The following ZHX2 variants were observed in gnomAD, a reference collection of about 807,000 sequenced individuals.
The protein encoded by ZHX2 is zinc fingers and homeoboxes 2.
ZHX2 carries 6 observed loss-of-function variants against 21.9 expected under a neutral mutation model. The observed-to-expected ratio is 0.27, with a 90% CI of 0.15 to 0.54. The LOEUF (loss-of-function observed/expected upper bound fraction) is 0.54. ZHX2 is among the 20% of genes least tolerant of loss of function. The pLI is 0.95. For missense variants in ZHX2, 908 were observed against 1,090.7 expected, an observed-to-expected ratio of 0.83 and a Z score of 2.36; for synonymous variants, 434 against 437.1, an observed-to-expected ratio of 0.99 and a Z score of 0.09.
intron 2 of ZHX2, among the ~76,000 whole-genome samples, chr8:122,916,791 C>T (rs1820614467): frequency 6.6e-6 from 1 of 152,110 alleles, no homozygotes; most frequent in Admixed American, 6.5e-5. Flanking sequence ...GTGTCTGCTC[C>T]TAACATCCAC....
At chr8:122,937,199 G>T (rs1311920144) in intron 2 of ZHX2, among the ~76,000 whole-genome samples, 1 of 152,238 alleles carries the variant, frequency 6.6e-6, no homozygotes, top group Non-Finnish European at 1.5e-5. Context: ...ACCTGGGGCA[G>T]AGCAATGAAG....
In ZHX2 at chr8:122,953,299, T is replaced by A. The variant is rs1813185575; in HGVS notation, c.1789T>A (p.Ser597Thr). The change falls in exon 3 of 4, where the codon TCT (serine) becomes ACT (threonine). Residue 597 changes from serine to threonine, a missense_variant. This residue lies in a region of ZHX2 where 431 missense variants were observed against 428.6 expected (regional missense o/e 1.01). Coordinates refer to ENST00000314393, the MANE Select transcript of ZHX2 (RefSeq NM_014943.5). This position sits in a 1 kb window ranked among gnomAD's most constrained non-coding sequence, Gnocchi z 4.6. ...MEQAVLDSMG[S>T]GKKGQDVGAP... ...ACAAGCTGTCTTGGATTCCATGGGG[T>A]CTGGCAAAAAAGGCCAAGATGTGGG... 6.2e-7 allele frequency: 1 copy of A among 1,613,602 alleles called. No individual in the cohort carries two copies. Among genetic ancestry groups the A allele is most frequent in the African/African-American group, 1.3e-5 (1 of 74,780 alleles).
chr8:122,878,196 G>A (rs1403657345), intron 2 of ZHX2, among the ~76,000 whole-genome samples: 1 of 152,158 alleles, frequency 6.6e-6, no homozygotes, highest in African/African-American at 2.4e-5. Flanking sequence ...GCCATGGTAT[G>A]TTACATTTAA....
Position 122,808,055 on chromosome 8 carries a change from G to A in ZHX2, c.-283+26109G>A, listed in dbSNP as rs185050225. Among the ~76,000 whole-genome samples the A allele has an allele frequency of 4.3e-3, 652 of 152,244 alleles. 14 individuals are homozygous for A. The highest frequency in any genetic ancestry group is 0.038 in the Admixed American group (575 of 15,294). On this transcript the variant is annotated intron_variant, in intron 1 of 3. Coordinates refer to ENST00000314393, the MANE Select transcript of ZHX2 (RefSeq NM_014943.5). ...CCTGCTTCTAACTCTGAACCATCCC[G>A]TCACCTTGGGCAGGTCACTTACCTT...
intron 1 of ZHX2, among the ~76,000 whole-genome samples, chr8:122,786,008 C>G (rs1817388205): frequency 6.6e-6 from 1 of 152,148 alleles, no homozygotes; most frequent in Non-Finnish European, 1.5e-5. Flanking sequence ...AAGTTTCAGG[C>G]CAGGGAACAG....
At chr8:122,872,073 G>A (rs1819454831) in intron 2 of ZHX2, among the ~76,000 whole-genome samples, 1 of 152,154 alleles carries the variant, frequency 6.6e-6, no homozygotes, top group South Asian at 2.1e-4. Flanking sequence ...ATCAGCATAG[G>A]CAGGTATCAC....
chr8:122,906,340 A>G (rs760888261), intron 2 of ZHX2, among the ~76,000 whole-genome samples: 3 of 152,244 alleles, frequency 2.0e-5, no homozygotes, highest in Non-Finnish European at 4.4e-5. Flanking sequence ...AATCTATGAG[A>G]AATCGGAGAT....
chr8:122,856,633 C>T (rs1047238989), intron 1 of ZHX2, among the ~76,000 whole-genome samples: 16 of 152,084 alleles, frequency 1.1e-4, no homozygotes, highest in East Asian at 3.8e-4. Flanking sequence ...TGCCAGCAGC[C>T]GTGTTGGAGC....
chr8:122,968,459 C>A (rs1315160212), intron 3 of ZHX2, among the ~76,000 whole-genome samples: 7 of 152,162 alleles, frequency 4.6e-5, no homozygotes, highest in Non-Finnish European at 7.3e-5. Flanking sequence ...TCCTCCAGTC[C>A]AACACATTTC....
chr8:122,935,354 T>C (rs1276998390), intron 2 of ZHX2, among the ~76,000 whole-genome samples: 2 of 152,228 alleles, frequency 1.3e-5, no homozygotes, highest in East Asian at 3.9e-4. Context: ...TATGAATTTT[T>C]AATAATAACT....
intron 1 of ZHX2, among the ~76,000 whole-genome samples, chr8:122,813,490 G>A (rs117152515): frequency 0.036 from 5,523 of 152,158 alleles, 101 homozygotes; most frequent in East Asian, 0.052. Flanking sequence ...GAAAGAAGTC[G>A]CCAAGTAGAT....
At chr8:122,883,622 GA>G (rs200318396) in intron 2 of ZHX2, among the ~76,000 whole-genome samples, 2 of 144,114 alleles carry the variant, frequency 1.4e-5, no homozygotes, top group Non-Finnish European at 3.1e-5. Context: ...CTCAACACTG[GA>G]AAAAAAAAGA....
rs60890533 is a variant in ZHX2, at chr8:122,945,436, C to CAAAAAAAA, written c.-219-5836_-219-5829dup. Among the ~76,000 whole-genome samples, 270 of 73,660 alleles carry CAAAAAAAA rather than the reference C, an allele frequency of 3.7e-3. 51 individuals carry two copies. The highest frequency in any genetic ancestry group is 0.015 in the African/African-American group (247 of 15,982). The allele number at this position is 73,660 out of a possible 152,430, so 48.3% of individuals were successfully genotyped here. A position where few individuals can be genotyped will look rare whatever the true frequency, so the allele number is the denominator to read the frequency against. ...CTCTTTTATATAAACCCTGTCTCTG[C>CAAAAAAAA]AAAAAAAAAAAAAAAAAAAAAAAAA... On this transcript the variant is annotated intron_variant, in intron 2 of 3. Transcript: ENST00000314393.
rs1372675157 is a variant in ZHX2, at chr8:122,953,586, G to A, written c.2076G>A (p.Glu692=). 1.9e-6 allele frequency: 3 copies of A among 1,614,230 alleles called. No homozygotes were observed. Among genetic ancestry groups the A allele is most frequent in the African/African-American group, 2.7e-5 (2 of 75,068 alleles). The change falls in exon 3 of 4, where the codon GAG becomes GAA. Residue 692 remains glutamate (E), a synonymous_variant. Transcript: ENST00000314393. This position sits in a 1 kb window ranked among gnomAD's most constrained non-coding sequence, Gnocchi z 4.6. ...AAACGGGAACCGTGAAGTGGATGGAGCAGTACCAGCACCAGCCCATGGCAG... is the reference window on the plus strand; with the variant it reads ...AAACGGGAACCGTGAAGTGGATGGAACAGTACCAGCACCAGCCCATGGCAG... ...LLKTGTVKWM[E]QYQHQPMADD...
chr8:122,880,237 G>T (rs1349039004), intron 2 of ZHX2, among the ~76,000 whole-genome samples: 1 of 151,884 alleles, frequency 6.6e-6, no homozygotes, highest in Non-Finnish European at 1.5e-5. Context: ...GCCTCCCAAA[G>T]TGCTGGGATT....
chr8:122,941,492 C>A, intron 2 of ZHX2, among the ~76,000 whole-genome samples: 1 of 152,172 alleles, frequency 6.6e-6, no homozygotes, highest in East Asian at 1.9e-4. Context: ...TGTTATCAAG[C>A]AGCCAGCATT....
chr8:122,914,960 T>C (rs1820562573), intron 2 of ZHX2, among the ~76,000 whole-genome samples: 1 of 152,242 alleles, frequency 6.6e-6, no homozygotes, highest in Admixed American at 6.5e-5. Context: ...CAGTCTAGGC[T>C]GCATCTGTTA....
intron 3 of ZHX2, among the ~76,000 whole-genome samples, chr8:122,964,117 A>C (rs1813522635): frequency 6.6e-6 from 1 of 151,688 alleles, no homozygotes; most frequent in Non-Finnish European, 1.5e-5. Context: ...TGACTTCCTT[A>C]ACTTGTATGC....
chr8:122,901,087 G>A (rs551974837), intron 2 of ZHX2, among the ~76,000 whole-genome samples: 1 of 152,248 alleles, frequency 6.6e-6, no homozygotes, highest in South Asian at 2.1e-4. Context: ...AAATACGTTA[G>A]AATTTACAAA....
Sources: allele counts gnomAD v4.1 joint callset (sites outside exome capture counted in the v4.1 genomes callset), GRCh38; gene constraint gnomAD v4.1.1; regional missense constraint gnomAD v4.1.1; non-coding constraint Gnocchi (gnomAD v3.1); transcripts MANE v1.5; gene names NCBI Gene and HGNC (gene_info 2026-07-23, HGNC 2026-07-21).